Variants in NRG1 observed in about 807,000 individuals in gnomAD.
The protein encoded by NRG1 is pro-neuregulin-1, membrane-bound isoform.
NRG1 carries 18 observed loss-of-function variants against 63.8 expected under a neutral mutation model. That is an observed-to-expected ratio of 0.28 (90% confidence interval 0.19 to 0.42). The LOEUF is 0.42. NRG1 is among the 10% of genes least tolerant of loss of function. The pLI is 1.00. For missense variants in NRG1, 762 were observed against 814.7 expected, an observed-to-expected ratio of 0.94 and a Z score of 0.79; for synonymous variants, 302 against 301.3, an observed-to-expected ratio of 1.00 and a Z score of -0.02.
chr8:31,694,920 G>A (rs1464611258), intron 1 of NRG1, among the ~76,000 whole-genome samples: 1 of 152,180 alleles, frequency 6.6e-6, no homozygotes, highest in Non-Finnish European at 1.5e-5. Flanking sequence ...TTAAGTTGGG[G>A]AAATTACTTG....
At chr8:32,537,610 A>C (rs991400420) in intron 1 of NRG1, among the ~76,000 whole-genome samples, 7 of 152,316 alleles carry the variant, frequency 4.6e-5, no homozygotes, top group South Asian at 2.1e-4. Flanking sequence ...CAGCAGCTGG[A>C]AGTCAGGGGA....
intron 5 of NRG1, among the ~76,000 whole-genome samples, chr8:32,707,406 A>G (rs1413529131): frequency 6.6e-6 from 1 of 152,104 alleles, no homozygotes; most frequent in African/African-American, 2.4e-5. Flanking sequence ...AAAAGTCACT[A>G]TAGCAAAATG....
chr8:31,823,167 T>C (rs10503891), intron 1 of NRG1, among the ~76,000 whole-genome samples: 30,485 of 139,868 alleles, frequency 0.22, 3,623 homozygotes, highest in Middle Eastern at 0.26. Flanking sequence ...AAGTGACTGA[T>C]GGCTTCCTCC....
At chr8:32,366,677 G>GTGTATGTATATATATA (rs1164696498) in intron 1 of NRG1, among the ~76,000 whole-genome samples, 2 of 87,522 alleles carry the variant, frequency 2.3e-5, no homozygotes, top group Admixed American at 1.2e-4. Context: ...GTGTGTGTGT[G>GTGTATGTATATATATA]TATATATATA....
At chr8:32,749,765 A>G in intron 7 of NRG1, 1 of 648,534 alleles carries the variant, frequency 1.5e-6, no homozygotes, top group South Asian at 2.0e-5. Context: ...CTGAAATGTT[A>G]CTGAGTGCAG....
exon 12 of NRG1, chr8:32,764,314 C>T: frequency 6.2e-7 from 1 of 1,614,076 alleles, no homozygotes; most frequent in Non-Finnish European, 8.5e-7. Flanking sequence ...GACAGCAGGA[C>T]TAACCCAGCA....
intron 1 of NRG1, among the ~76,000 whole-genome samples, chr8:32,082,044 A>G (rs1827536068): frequency 6.6e-6 from 1 of 152,130 alleles, no homozygotes; most frequent in South Asian, 2.1e-4. Flanking sequence ...TAAAGGGAAT[A>G]TAGATGCTAC....
intron 1 of NRG1, among the ~76,000 whole-genome samples, chr8:32,484,676 G>T (rs191582295): frequency 1.3e-5 from 2 of 151,662 alleles, no homozygotes; most frequent in East Asian, 3.9e-4. Context: ...CAATAAATAC[G>T]TTCTCAGCTT....
At chr8:32,236,436 A>G (rs1204287395) in intron 1 of NRG1, among the ~76,000 whole-genome samples, 1 of 152,172 alleles carries the variant, frequency 6.6e-6, no homozygotes, top group Non-Finnish European at 1.5e-5. Context: ...ACAGAGTGTG[A>G]AGGAATTTAA....
intron 1 of NRG1, among the ~76,000 whole-genome samples, chr8:31,933,043 A>G (rs550300072): frequency 3.3e-5 from 5 of 152,350 alleles, no homozygotes; most frequent in Non-Finnish European, 7.3e-5. Flanking sequence ...CAGATTTCCT[A>G]TAAAATGTTA....
chr8:32,450,651 A>G (rs1820838939), intron 1 of NRG1, among the ~76,000 whole-genome samples: 1 of 152,104 alleles, frequency 6.6e-6, no homozygotes, highest in African/African-American at 2.4e-5. Context: ...CCTAGGCTCA[A>G]ATGATCCTCC....
intron 1 of NRG1, among the ~76,000 whole-genome samples, chr8:31,852,187 A>G (rs1306835172): frequency 2.4e-4 from 36 of 152,262 alleles, no homozygotes; most frequent in Admixed American, 6.5e-4. Context: ...TCGCCACACC[A>G]ACTTCCACAA....
chr8:32,508,972 C>T (rs984699129), intron 1 of NRG1, among the ~76,000 whole-genome samples: 3 of 151,572 alleles, frequency 2.0e-5, no homozygotes, highest in African/African-American at 4.8e-5. Context: ...TGACCTCAAA[C>T]GATTTACCCA....
At chr8:32,655,196 T>A (rs1801190998) in intron 5 of NRG1, among the ~76,000 whole-genome samples, 5 of 152,140 alleles carry the variant, frequency 3.3e-5, no homozygotes, top group Admixed American at 3.3e-4. Context: ...TTGACAGTGG[T>A]TTGGTAACAA....
chr8:31,770,794 T>TATATAC (rs1554526900), intron 1 of NRG1, among the ~76,000 whole-genome samples: 22 of 129,106 alleles, frequency 1.7e-4, no homozygotes, highest in African/African-American at 6.0e-4. Context: ...TATATATATA[T>TATATAC]ATACATATAT....
intron 1 of NRG1, among the ~76,000 whole-genome samples, chr8:31,934,938 G>T (rs1267518168): frequency 6.6e-6 from 1 of 152,022 alleles, no homozygotes; most frequent in Non-Finnish European, 1.5e-5. Context: ...AGGTAGCACA[G>T]TTTTTGCTTT....
rs201406660 is a variant in NRG1 at position 32,389,759 on chromosome 8, CT to C, written c.38-206050del. ...GCAGCTTTTCTTTCAGTCTTTCTTT[CT>C]TTTTTTTTTTTTTTTTTTGAAATGG... On this transcript the variant is annotated intron_variant, in intron 1 of 10. Transcript: ENST00000519301. 4.8e-3 allele frequency among the ~76,000 whole-genome samples: 695 copies of C among 145,702 alleles called. 1 individual carries two copies. Among genetic ancestry groups the C allele is most frequent in the African/African-American group, 0.016 (637 of 39,550 alleles).
intron 1 of NRG1, among the ~76,000 whole-genome samples, chr8:32,210,985 C>G (rs1449601114): frequency 6.6e-6 from 1 of 152,104 alleles, no homozygotes; most frequent in Non-Finnish European, 1.5e-5. Flanking sequence ...CTTGGTTGCT[C>G]ACAATATTAA....
At chr8:31,844,283 A>G (rs955935254) in intron 1 of NRG1, among the ~76,000 whole-genome samples, 1 of 152,214 alleles carries the variant, frequency 6.6e-6, no homozygotes, top group African/African-American at 2.4e-5. Flanking sequence ...TAAAGGGTTC[A>G]GTCAGCAGCC....
Sources: allele counts gnomAD v4.1 joint callset (sites outside exome capture counted in the v4.1 genomes callset), GRCh38; gene constraint gnomAD v4.1.1; transcripts MANE v1.5; gene names NCBI Gene and HGNC (gene_info 2026-07-23, HGNC 2026-07-21).